The following SGCZ variants were observed in gnomAD, a reference collection of about 807,000 sequenced individuals.
The protein encoded by SGCZ is zeta-sarcoglycan.
In SGCZ, 40 loss-of-function variants were observed where a neutral mutation model predicts 41.3. The ratio of observed to expected loss-of-function variants is 0.97; its 90% CI spans 0.75 to 1.26. The LOEUF is 1.26. Ranked by LOEUF, SGCZ falls within the 50% of genes most tolerant of loss-of-function variation. SGCZ has a pLI of 0.00. For synonymous variants in SGCZ, 206 were observed against 137.5 expected, an observed-to-expected ratio of 1.50 and a Z score of -3.49; for missense variants, 552 against 369.8, an observed-to-expected ratio of 1.49 and a Z score of -4.04.
intron 4 of SGCZ, among the ~76,000 whole-genome samples, chr8:14,228,242 C>A (rs1404243646): frequency 6.6e-6 from 1 of 152,000 alleles, no homozygotes; most frequent in Admixed American, 6.6e-5. Flanking sequence ...CCTGCAATTC[C>A]GACGTCCCAC....
At chr8:14,541,212 C>T (rs148377099) in intron 2 of SGCZ, among the ~76,000 whole-genome samples, 1 of 151,866 alleles carries the variant, frequency 6.6e-6, no homozygotes, top group African/African-American at 2.4e-5. Context: ...TATACACGTG[C>T]CATGGTGGTT....
At chr8:14,406,367 A>T (rs2117262416) in intron 2 of SGCZ, among the ~76,000 whole-genome samples, 1 of 152,276 alleles carries the variant, frequency 6.6e-6, no homozygotes, top group African/African-American at 2.4e-5. Context: ...CAGATGGCTG[A>T]AATTTTTTAT....
chr8:14,103,774 G>C (rs564153059), intron 6 of SGCZ, among the ~76,000 whole-genome samples: 2 of 152,050 alleles, frequency 1.3e-5, no homozygotes, highest in African/African-American at 4.8e-5. Context: ...AGAAACGTCT[G>C]TATTTTTTTT....
At chr8:14,187,716 T>C in intron 4 of SGCZ, among the ~76,000 whole-genome samples, 1 of 152,008 alleles carries the variant, frequency 6.6e-6, no homozygotes, top group East Asian at 1.9e-4. Flanking sequence ...CCATTAAGAA[T>C]GTGAACGTGT....
chr8:14,419,823 G>A (rs1033337015), intron 2 of SGCZ, among the ~76,000 whole-genome samples: 2 of 151,956 alleles, frequency 1.3e-5, no homozygotes, highest in Admixed American at 1.3e-4. Flanking sequence ...GTGGAAATAA[G>A]CATACGGAAT....
chr8:15,006,860 C>G (rs932835091), intron 1 of SGCZ, among the ~76,000 whole-genome samples: 3 of 152,104 alleles, frequency 2.0e-5, no homozygotes, highest in African/African-American at 7.2e-5. Context: ...TTAAATGTGC[C>G]TCTTTATACA....
intron 2 of SGCZ, among the ~76,000 whole-genome samples, chr8:14,453,597 G>A (rs1014005614): frequency 4.6e-5 from 7 of 152,188 alleles, no homozygotes; most frequent in African/African-American, 1.2e-4. Flanking sequence ...GATTGAAGGT[G>A]GTAACAGAAG....
At chr8:14,330,832 G>C (rs1802292267) in intron 2 of SGCZ, among the ~76,000 whole-genome samples, 1 of 151,868 alleles carries the variant, frequency 6.6e-6, no homozygotes, top group Non-Finnish European at 1.5e-5. Context: ...TTTTAAAATA[G>C]ATGTATCGAT....
At chr8:14,991,705 T>C (rs1309477010) in intron 1 of SGCZ, among the ~76,000 whole-genome samples, 2 of 151,576 alleles carry the variant, frequency 1.3e-5, no homozygotes, top group African/African-American at 4.9e-5. Context: ...TCATCCAACC[T>C]ACTCCCCAAA....
At chr8:15,215,306 T>A (rs148899395) in intron 1 of SGCZ, among the ~76,000 whole-genome samples, 33 of 152,296 alleles carry the variant, frequency 2.2e-4, no homozygotes, top group African/African-American at 7.2e-4. Context: ...CTCTAAAACG[T>A]TTTTCCTAAA....
At chr8:14,213,312 C>G (rs1405340804) in intron 4 of SGCZ, among the ~76,000 whole-genome samples, 1 of 152,004 alleles carries the variant, frequency 6.6e-6, no homozygotes, top group Non-Finnish European at 1.5e-5. Flanking sequence ...AAGAGAAAAG[C>G]ATGCATTACC....
chr8:14,943,230 T>A (rs1251316131), intron 1 of SGCZ, among the ~76,000 whole-genome samples: 1 of 152,180 alleles, frequency 6.6e-6, no homozygotes, highest in Non-Finnish European at 1.5e-5. Flanking sequence ...TGAATGAGGA[T>A]GCAACCAACA....
intron 5 of SGCZ, among the ~76,000 whole-genome samples, chr8:14,155,003 A>G (rs772594582): frequency 4.6e-5 from 7 of 152,166 alleles, no homozygotes; most frequent in Non-Finnish European, 1.0e-4. Context: ...GCAGGTTGCG[A>G]GCAAAATAAA....
intron 1 of SGCZ, among the ~76,000 whole-genome samples, chr8:15,139,664 A>C (rs1808248597): frequency 1.4e-5 from 2 of 147,526 alleles, no homozygotes; most frequent in Admixed American, 1.3e-4. Context: ...AAAATTCCAA[A>C]TACCATAAAA....
chr8:15,037,832 C>A (rs930297897), intron 1 of SGCZ, among the ~76,000 whole-genome samples: 2 of 152,074 alleles, frequency 1.3e-5, no homozygotes, highest in Non-Finnish European at 2.9e-5. Flanking sequence ...TATACACTGA[C>A]ATAAACACTT....
intron 5 of SGCZ, among the ~76,000 whole-genome samples, chr8:14,109,037 T>C (rs10503485): frequency 0.13 from 19,482 of 152,134 alleles, 1,373 homozygotes; most frequent in African/African-American, 0.19. Context: ...CCCTCATAGA[T>C]GTTTAGCAGT....
At position 14,089,643 on chromosome 8, in the gene SGCZ, A is replaced by G. The variant is rs1187326045; in HGVS notation, c.*800T>C. On this transcript the variant is annotated 3_prime_UTR_variant, in exon 8 of 8. Transcript: ENST00000382080. ...CTTCTTAATCCTGTCTTATATTGCA[A>G]TAGAGTAGATGTTTTGTTAAAAGCA... is the stretch of plus-strand genomic sequence containing the variant. Among the ~76,000 whole-genome samples, 3 of 152,128 alleles carry G rather than the reference A, an allele frequency of 2.0e-5. No individual in the cohort carries two copies. The highest frequency in any genetic ancestry group is 2.1e-4 in the South Asian group (1 of 4,828).
chr8:14,789,904 C>T (rs1800893857), intron 1 of SGCZ, among the ~76,000 whole-genome samples: 2 of 151,992 alleles, frequency 1.3e-5, no homozygotes, highest in Non-Finnish European at 2.9e-5. Flanking sequence ...AAATTTCAGG[C>T]CCATGAAAAC....
intron 1 of SGCZ, among the ~76,000 whole-genome samples, chr8:14,643,522 G>A (rs1234392485): frequency 2.0e-5 from 3 of 151,100 alleles, no homozygotes; most frequent in Admixed American, 6.6e-5. Context: ...GAAAGGTCAG[G>A]GAGATAAGTG....
Sources: gnomAD v4.1 joint callset for allele counts (sites outside exome capture counted in the v4.1 genomes callset) on GRCh38, gnomAD v4.1.1 for gene constraint, MANE v1.5 for transcripts, NCBI Gene and HGNC (gene_info 2026-07-23, HGNC 2026-07-21) for gene names.